IL1RAPL1: variants seen among roughly 807,000 people sequenced by gnomAD.
IL1RAPL1 encodes the protein interleukin-1 receptor accessory protein-like 1.
A neutral mutation model predicts 48.4 loss-of-function variants in IL1RAPL1; 3 were observed. The observed-to-expected ratio is 0.06, with a 90% confidence interval of 0.03 to 0.16. The LOEUF is 0.16. IL1RAPL1 is among the 10% of genes least tolerant of loss of function. IL1RAPL1 has a pLI of 1.00. For synonymous variants in IL1RAPL1, 185 were observed against 187.7 expected (o/e 0.99, Z 0.12); for missense variants, 349 against 530.6 (o/e 0.66, Z 3.36).
chrX:28,632,728 A>C (rs1350763762), intron 1 of IL1RAPL1, among the ~76,000 whole-genome samples: 1 of 111,674 alleles, frequency 9.0e-6, no homozygotes, highest in African/African-American at 3.2e-5. Context: ...CATTTTCCAA[A>C]ACAAAATAAA....
At chrX:29,740,327 G>A (rs747208490) in intron 6 of IL1RAPL1, among the ~76,000 whole-genome samples, 86 of 110,949 alleles carry the variant, frequency 7.8e-4, no homozygotes, top group Non-Finnish European at 1.5e-3. Context: ...GACCCAGACA[G>A]CCATCCAGAA....
At position 29,398,202 on chromosome X, in the gene IL1RAPL1, C is replaced by T. The variant is rs897712347; in HGVS notation, c.550-953C>T. 4.5e-5 allele frequency among the ~76,000 whole-genome samples: 5 copies of T among 111,877 alleles called. No homozygotes were observed. The Admixed American group carries it at 4.8e-4, about 11-fold the overall frequency. On this transcript the variant is annotated intron_variant, in intron 4 of 10. Transcript: ENST00000378993. ...ATTTATGCAATTACCACAAGTCATG[C>T]AACTAATATGGCATATACAGTGTAT...
chrX:29,015,985 G>C (rs997355978), intron 2 of IL1RAPL1, among the ~76,000 whole-genome samples: 1 of 111,842 alleles, frequency 8.9e-6, no homozygotes, highest in Admixed American at 9.5e-5. Context: ...ATTTTTTAGT[G>C]GGTAGAGAAA....
intron 5 of IL1RAPL1, among the ~76,000 whole-genome samples, chrX:29,551,022 A>T (rs1921799526): frequency 8.9e-6 from 1 of 111,918 alleles, no homozygotes; most frequent in African/African-American, 3.3e-5. Flanking sequence ...GTCTCTATGA[A>T]TTTGATTTCT....
At chrX:28,943,777 T>A (rs1490653147) in intron 2 of IL1RAPL1, among the ~76,000 whole-genome samples, 2 of 111,085 alleles carry the variant, frequency 1.8e-5, no homozygotes, top group African/African-American at 6.5e-5. Context: ...TACTTTAATT[T>A]AAATTCCACA....
At chrX:28,757,384 A>G (rs761993316) in intron 1 of IL1RAPL1, among the ~76,000 whole-genome samples, 3 of 112,657 alleles carry the variant, frequency 2.7e-5, no homozygotes, top group Admixed American at 9.4e-5. Flanking sequence ...GTTTTTTATC[A>G]AATCACAGCT....
intron 3 of IL1RAPL1, among the ~76,000 whole-genome samples, chrX:29,376,891 T>A (rs1455411935): frequency 2.7e-5 from 3 of 111,991 alleles, no homozygotes; most frequent in Non-Finnish European, 5.6e-5. Flanking sequence ...GTCTGTTAGG[T>A]TCAATTGGTT....
chrX:29,421,982 A>G (rs1054775759), intron 5 of IL1RAPL1, among the ~76,000 whole-genome samples: 1 of 111,648 alleles, frequency 9.0e-6, no homozygotes, highest in African/African-American at 3.3e-5. Context: ...AAAGACATAT[A>G]CATTTATTAA....
intron 2 of IL1RAPL1, among the ~76,000 whole-genome samples, chrX:29,141,563 A>T (rs1929244074): frequency 8.9e-6 from 1 of 112,061 alleles, no homozygotes; most frequent in Non-Finnish European, 1.9e-5. Context: ...TTCTTTATGT[A>T]AATGAGAAAT....
intron 3 of IL1RAPL1, among the ~76,000 whole-genome samples, chrX:29,339,377 A>C (rs1267998405): frequency 8.9e-6 from 1 of 111,840 alleles, no homozygotes; most frequent in East Asian, 2.8e-4. Flanking sequence ...TACTTAGCAC[A>C]TAGTAGATAA....
At chrX:29,690,343 A>G (rs1379134397) in intron 6 of IL1RAPL1, among the ~76,000 whole-genome samples, 1 of 112,109 alleles carries the variant, frequency 8.9e-6, no homozygotes, top group Admixed American at 9.5e-5. Context: ...GATTCTCTTA[A>G]AGAAGTAACA....
In IL1RAPL1 at chrX:29,449,034, T is replaced by TG. The variant is rs1191618525; in HGVS notation, c.703+49731dup. Among the ~76,000 whole-genome samples the TG allele has an allele frequency of 2.7e-5, 3 of 111,522 alleles. No homozygotes were observed. In the East Asian group the frequency reaches 8.5e-4, roughly 31 times the overall value. ...GCCCCACCTCCAAATACCATCACAT[T>TG]GGGGGTTAGTGCTTCAATATATGAA... On this transcript the variant is annotated intron_variant, in intron 5 of 10. Coordinates refer to ENST00000378993, the MANE Select transcript of IL1RAPL1 (RefSeq NM_014271.4).
At chrX:29,145,908 G>C (rs1366829671) in intron 2 of IL1RAPL1, among the ~76,000 whole-genome samples, 1 of 111,675 alleles carries the variant, frequency 9.0e-6, no homozygotes, top group Non-Finnish European at 1.9e-5. Context: ...CTAGCATCCT[G>C]GTCAGAGCCA....
chrX:28,843,554 C>G (rs1300680020), intron 2 of IL1RAPL1, among the ~76,000 whole-genome samples: 1 of 111,431 alleles, frequency 9.0e-6, no homozygotes, highest in South Asian at 3.7e-4. Context: ...ATTGTTAATT[C>G]CCTTGTCTCT....
intron 3 of IL1RAPL1, among the ~76,000 whole-genome samples, chrX:29,390,571 G>A (rs916106580): frequency 9.0e-6 from 1 of 111,661 alleles, no homozygotes; most frequent in Admixed American, 9.5e-5. Context: ...CAGGTCATGT[G>A]TTTAGTGATC....
chrX:29,517,926 G>A (rs1176404193), intron 5 of IL1RAPL1, among the ~76,000 whole-genome samples: 1 of 111,805 alleles, frequency 8.9e-6, no homozygotes, highest in Non-Finnish European at 1.9e-5. Context: ...ATGCTTAATT[G>A]TTAAAATATT....
chrX:28,807,711 A>T (rs777267918), intron 2 of IL1RAPL1, among the ~76,000 whole-genome samples: 1 of 111,532 alleles, frequency 9.0e-6, no homozygotes, highest in African/African-American at 3.2e-5. Flanking sequence ...AAAAATATTT[A>T]AACTTTATAG....
At chrX:28,656,073 A>G (rs779794189) in intron 1 of IL1RAPL1, among the ~76,000 whole-genome samples, 1 of 112,462 alleles carries the variant, frequency 8.9e-6, no homozygotes, top group African/African-American at 3.2e-5. Flanking sequence ...AAAACTCCAA[A>G]GAAAAAGAAA....
chrX:29,921,808 A>G (rs982022853), intron 8 of IL1RAPL1, among the ~76,000 whole-genome samples: 3 of 111,060 alleles, frequency 2.7e-5, no homozygotes, highest in Non-Finnish European at 5.7e-5. Flanking sequence ...ACTTTTAATC[A>G]CTCTTCCCCA....
Sources: gnomAD v4.1 joint callset for allele counts (sites outside exome capture counted in the v4.1 genomes callset) on GRCh38, gnomAD v4.1.1 for gene constraint, MANE v1.5 for transcripts, NCBI Gene and HGNC (gene_info 2026-07-23, HGNC 2026-07-21) for gene names.